The following UBE2F variants were observed in gnomAD, a reference collection of about 807,000 sequenced individuals.
The protein encoded by UBE2F is NEDD8-conjugating enzyme UBE2F.
A neutral mutation model predicts 29.6 loss-of-function variants in UBE2F; 5 were observed. That is an observed-to-expected ratio of 0.17 (90% CI 0.09 to 0.36). The LOEUF (loss-of-function observed/expected upper bound fraction) is 0.36. UBE2F is among the 10% of genes least tolerant of loss of function. The pLI, the probability that UBE2F is intolerant of heterozygous loss-of-function variation, is 1.00. For missense variants in UBE2F, 141 were observed against 228.5 expected, an observed-to-expected ratio of 0.62 and a Z score of 2.47; for synonymous variants, 66 against 81.8, an observed-to-expected ratio of 0.81 and a Z score of 1.04.
intron 2 of UBE2F, among the ~76,000 whole-genome samples, chr2:237,978,380 T>C (rs537104077): frequency 6.6e-6 from 1 of 152,264 alleles, no homozygotes; most frequent in East Asian, 1.9e-4. Context: ...AGCTTGTCCC[T>C]GGGGAGGGGT....
intron 7 of UBE2F, 46 bp downstream of exon 7, chr2:238,030,659 C>T (rs1400765094): frequency 6.7e-7 from 1 of 1,493,424 alleles, no homozygotes; most frequent in Non-Finnish European, 9.3e-7. Context: ...CCCTGTGGTC[C>T]TCTCCCTGCA....
At chr2:237,986,213 G>T in intron 2 of UBE2F, 1 of 330,242 alleles carries the variant, frequency 3.0e-6, no homozygotes. Context: ...GCAGTGGTGT[G>T]GTCCCGGCTT....
chr2:238,025,788 A>G (rs916265790), intron 6 of UBE2F, among the ~76,000 whole-genome samples: 2 of 152,208 alleles, frequency 1.3e-5, no homozygotes, highest in African/African-American at 4.8e-5. Context: ...ATAGATACCC[A>G]GGAGAAAAAA....
chr2:237,997,168 A>T (rs570534154), intron 4 of UBE2F, among the ~76,000 whole-genome samples: 57 of 152,294 alleles, frequency 3.7e-4, no homozygotes, highest in African/African-American at 1.3e-3. Flanking sequence ...TGGAGGTTGC[A>T]GTGAGCTGAG....
chr2:238,039,375 C>G (rs2064791433), intron 9 of UBE2F, among the ~76,000 whole-genome samples: 1 of 152,208 alleles, frequency 6.6e-6, no homozygotes, highest in Non-Finnish European at 1.5e-5. Context: ...TGCAAAGGCC[C>G]TGAGGCAGGA....
chr2:238,034,828 T>C (rs543837417), intron 8 of UBE2F, among the ~76,000 whole-genome samples: 2 of 152,178 alleles, frequency 1.3e-5, no homozygotes, highest in African/African-American at 4.8e-5. Flanking sequence ...CAATGATCCA[T>C]CCTACAGCCT....
intron 4 of UBE2F, among the ~76,000 whole-genome samples, chr2:237,995,398 G>A (rs1414180339): frequency 6.6e-6 from 1 of 152,198 alleles, no homozygotes; most frequent in Admixed American, 6.5e-5. Flanking sequence ...AGGAGGACTT[G>A]TATATTTTCT....
rs994491246 is a variant in UBE2F at position 238,041,602 on chromosome 2, G to T, written c.*264G>T. The T allele has an allele frequency of 9.3e-6, 4 of 431,282 alleles. No individual in the cohort carries two copies. The highest frequency in any genetic ancestry group is 1.7e-5 in the Non-Finnish European group (4 of 235,122). 26.7% of individuals were successfully genotyped at this position (431,282 alleles called of 1,614,324 possible). A position where few individuals can be genotyped will look rare whatever the true frequency, so the allele number is the denominator to read the frequency against. ...TTAACATGTTTACTTTTTTGAACTT[G>T]TACTGTATAGGCTGTTGGTGAAATT... On this transcript the variant is annotated 3_prime_UTR_variant, in exon 10 of 10. Coordinates refer to ENST00000272930, the MANE Select transcript of UBE2F (RefSeq NM_080678.3).
At chr2:237,989,409 G>C (rs1576600841) in intron 3 of UBE2F, among the ~76,000 whole-genome samples, 1 of 152,158 alleles carries the variant, frequency 6.6e-6, no homozygotes, top group Non-Finnish European at 1.5e-5. Flanking sequence ...CTGGAGTGCA[G>C]TGGTGAGATC....
intron 5 of UBE2F, among the ~76,000 whole-genome samples, chr2:238,017,741 C>A (rs559966242): frequency 1.3e-5 from 2 of 152,076 alleles, no homozygotes; most frequent in African/African-American, 2.4e-5. Flanking sequence ...CCTCTTGGCC[C>A]GTCCAGTAGG....
At chr2:238,025,255 A>T in intron 5 of UBE2F, 87 bp from the exon 6 acceptor site, 1 of 1,129,790 alleles carries the variant, frequency 8.9e-7, no homozygotes, top group Non-Finnish European at 1.3e-6. Flanking sequence ...ACAAGCGTCT[A>T]GATAGGGGAT....
At chr2:238,020,310 GAA>G (rs2064263018) in intron 5 of UBE2F, among the ~76,000 whole-genome samples, 1 of 152,152 alleles carries the variant, frequency 6.6e-6, no homozygotes, top group East Asian at 1.9e-4. Context: ...ACTTAGTGTA[GAA>G]AAGAGATGAA....
intron 3 of UBE2F, among the ~76,000 whole-genome samples, chr2:237,992,433 G>A (rs1387793375): frequency 6.6e-6 from 1 of 152,132 alleles, no homozygotes; most frequent in African/African-American, 2.4e-5. Flanking sequence ...GTAATTTTGG[G>A]GAAAGTCTTG....
chr2:237,974,519 T>TG lies in UBE2F; in HGVS notation c.118+1294_118+1295insG, dbSNP rs1273792504. Among the ~76,000 whole-genome samples, 20 of 143,478 alleles carry TG rather than the reference T, an allele frequency of 1.4e-4. No individual in the cohort carries two copies. The East Asian group carries it at 3.1e-3, about 22-fold the overall frequency. The allele number at this position is 143,478 out of a possible 152,430, so 94.1% of individuals were successfully genotyped here. A position where few individuals can be genotyped will look rare whatever the true frequency, so the allele number is the denominator to read the frequency against. On this transcript the variant is annotated intron_variant, in intron 2 of 9. Transcript: ENST00000272930. ...TTTTGTGGTTTTTTTTTTTTTGTTT[T>TG]TTTTTTTTTTTTGAGATGGAGTCTC...
Position 237,967,843 on chromosome 2 carries a change from T to A in UBE2F, c.-17+711T>A, listed in dbSNP as rs1361521338. Among the ~76,000 whole-genome samples the A allele has an allele frequency of 6.6e-6, 1 of 152,164 alleles. No homozygotes were observed. The highest frequency in any genetic ancestry group is 2.4e-5 in the African/African-American group (1 of 41,438). On this transcript the variant is annotated intron_variant, in intron 1 of 9. Coordinates refer to ENST00000272930, the MANE Select transcript of UBE2F (RefSeq NM_080678.3). This position sits in a 1 kb window ranked among gnomAD's most constrained non-coding sequence, Gnocchi z 6.3. ...ACCTAGTTCTGCTGGTGTGTCATCT[T>A]GGGTGTGGCCTTCCCCTCCCTGGGC... is the stretch of plus-strand genomic sequence containing the variant.
rs778308355 is a variant in UBE2F, at chr2:238,035,986, A to G, written c.507+46A>G. Reference sequence around the variant, plus strand: ...TTCTAGGTTGATGTACTTGTCACGAACACGATTACTACTGTCTCTTGATTG... The same window carrying G: ...TTCTAGGTTGATGTACTTGTCACGAGCACGATTACTACTGTCTCTTGATTG... On this transcript the variant is annotated intron_variant, in intron 9 of 9. Coordinates refer to ENST00000272930, the MANE Select transcript of UBE2F (RefSeq NM_080678.3). 2.0e-6 allele frequency: 3 copies of G among 1,488,994 alleles called. No homozygotes were observed. In the Admixed American group the frequency reaches 5.0e-5, roughly 25 times the overall value. 92.2% of individuals were successfully genotyped at this position (1,488,994 alleles called of 1,614,324 possible).
At chr2:237,969,558 A>G (rs781583314) in intron 1 of UBE2F, among the ~76,000 whole-genome samples, 26 of 152,152 alleles carry the variant, frequency 1.7e-4, no homozygotes, top group Non-Finnish European at 3.1e-4. Context: ...TGTGTAGGGC[A>G]TCTGGTGCGT....
Position 237,982,349 on chromosome 2 carries a change from C to T in UBE2F, c.119-5614C>T, listed in dbSNP as rs1231126762. Among the ~76,000 whole-genome samples the T allele has an allele frequency of 6.6e-6, 1 of 152,226 alleles. No homozygotes were observed. Among genetic ancestry groups the T allele is most frequent in the Admixed American group, 6.5e-5 (1 of 15,280 alleles). ...CCGCCCTACCACATCACAGTCTTAG[C>T]ACTGGTCAGTGGCCTCACTCTTCAT... is the stretch of plus-strand genomic sequence containing the variant. On this transcript the variant is annotated intron_variant, in intron 2 of 9. Transcript: ENST00000272930. The surrounding 1 kb of genome is among the most constrained non-coding windows in gnomAD (Gnocchi z 4.1).
rs575176233 is a variant in UBE2F, at chr2:238,030,358, C to T, written c.354-198C>T. Among the ~76,000 whole-genome samples the T allele has an allele frequency of 4.6e-5, 7 of 152,248 alleles. No homozygotes were observed. In the South Asian group the frequency reaches 1.4e-3, roughly 32 times the overall value. On this transcript the variant is annotated intron_variant, in intron 6 of 9. Coordinates refer to ENST00000272930, the MANE Select transcript of UBE2F (RefSeq NM_080678.3). ...ACAAATAGATAAACATAACACAAGA[C>T]GTTATAATTGAATATGTATATAACC...
Sources: gnomAD v4.1 joint callset for allele counts (sites outside exome capture counted in the v4.1 genomes callset) on GRCh38, gnomAD v4.1.1 for gene constraint, Gnocchi (gnomAD v3.1) non-coding constraint, MANE v1.5 for transcripts, NCBI Gene and HGNC (gene_info 2026-07-23, HGNC 2026-07-21) for gene names.